Variants in PTPRM observed in about 807,000 individuals in gnomAD.
PTPRM encodes receptor-type tyrosine-protein phosphatase mu.
Under a neutral mutation model 186.7 loss-of-function variants are expected in PTPRM, and 47 were observed. That is an observed-to-expected ratio of 0.25 (90% CI 0.20 to 0.32). The LOEUF (loss-of-function observed/expected upper bound fraction) is 0.32, where lower values mean the gene tolerates loss of function less well. Among genes scored for constraint, PTPRM ranks in the 10% least tolerant of loss-of-function variants. The pLI is 1.00. For missense variants in PTPRM, 1,494 were observed against 1,865.0 expected (o/e 0.80, Z 3.66); for synonymous variants, 668 against 674.9 (o/e 0.99, Z 0.16).
intron 2 of PTPRM, among the ~76,000 whole-genome samples, chr18:7,830,876 G>A (rs2045726831): frequency 6.6e-6 from 1 of 152,130 alleles, no homozygotes; most frequent in African/African-American, 2.4e-5. Flanking sequence ...GATTAACGTA[G>A]TTTGATTTTT....
Position 7,877,218 on chromosome 18 carries a change from G to C in PTPRM, c.197-10888G>C, listed in dbSNP as rs137971124. Among the ~76,000 whole-genome samples, 46 of 152,150 alleles carry C rather than the reference G, an allele frequency of 3.0e-4. No individual in the cohort carries two copies. In the East Asian group the frequency reaches 5.8e-3, roughly 19 times the overall value. On this transcript the variant is annotated intron_variant, in intron 2 of 32. Coordinates refer to ENST00000580170, the MANE Select transcript of PTPRM (RefSeq NM_001105244.2). ...TATGTATTTATAATTTAACAGACTT[G>C]GTAGCATCTAAGCATTTAAATCACA...
At chr18:7,618,587 T>G (rs550225960) in intron 1 of PTPRM, among the ~76,000 whole-genome samples, 1 of 152,342 alleles carries the variant, frequency 6.6e-6, no homozygotes, top group East Asian at 1.9e-4. Flanking sequence ...CAAACCTGTT[T>G]GCCCACATCT....
At position 7,960,474 on chromosome 18, in the gene PTPRM, TATATATAC is replaced by T. The variant is rs767816341; in HGVS notation, c.1132+5062_1132+5069del. 5.8e-3 allele frequency among the ~76,000 whole-genome samples: 643 copies of T among 111,142 alleles called. 5 individuals carry two copies. Among genetic ancestry groups the T allele is most frequent in the African/African-American group, 0.02 (497 of 25,114 alleles). 72.9% of individuals were successfully genotyped at this position (111,142 alleles called of 152,430 possible). A position where few individuals can be genotyped will look rare whatever the true frequency, so the allele number is the denominator to read the frequency against. ...ACATATATATATATATATATATATATATATATACACACACACACACACACACACACACA... is the reference window on the plus strand; with the variant it reads ...ACATATATATATATATATATATATATACACACACACACACACACACACACA... On this transcript the variant is annotated intron_variant, in intron 7 of 32. Transcript: ENST00000580170.
intron 2 of PTPRM, among the ~76,000 whole-genome samples, chr18:7,788,563 AATG>A (rs2043194728): frequency 6.6e-6 from 1 of 152,118 alleles, no homozygotes; most frequent in Non-Finnish European, 1.5e-5. Context: ...TATATATTGT[AATG>A]ATGAAATAAT....
intron 1 of PTPRM, among the ~76,000 whole-genome samples, chr18:7,705,525 A>G (rs1312866839): frequency 2.6e-5 from 4 of 152,114 alleles, no homozygotes; most frequent in African/African-American, 9.7e-5. Context: ...ATAAGAAGAG[A>G]AGAAACCTCA....
At chr18:8,344,426 A>ATGTGTGTG (rs1175568697) in intron 23 of PTPRM, among the ~76,000 whole-genome samples, 1 of 28,306 alleles carries the variant, frequency 3.5e-5, no homozygotes, top group Non-Finnish European at 8.4e-5. Context: ...TAGGAGATAT[A>ATGTGTGTG]TATATGTGTG....
chr18:8,237,284 AT>A (rs1365491580), intron 14 of PTPRM, among the ~76,000 whole-genome samples: 2 of 152,102 alleles, frequency 1.3e-5, no homozygotes, highest in Non-Finnish European at 2.9e-5. Flanking sequence ...ATTTTAAAAA[AT>A]GTTTTATTTT....
At chr18:8,391,061 C>G (rs940896347) in intron 31 of PTPRM, among the ~76,000 whole-genome samples, 1 of 152,144 alleles carries the variant, frequency 6.6e-6, no homozygotes, top group Non-Finnish European at 1.5e-5. Context: ...TCACATGCCA[C>G]TGTGTACTCA....
intron 2 of PTPRM, among the ~76,000 whole-genome samples, chr18:7,842,947 TAGAGAGAGAGAG>T (rs1555616950): frequency 1.8e-5 from 2 of 112,132 alleles, no homozygotes; most frequent in Admixed American, 1.8e-4. Context: ...TATATATATA[TAGAGAGAGAGAG>T]AGAGAGAGAG....
chr18:7,724,090 G>A (rs1258031107), intron 1 of PTPRM, among the ~76,000 whole-genome samples: 1 of 150,020 alleles, frequency 6.7e-6, no homozygotes, highest in Non-Finnish European at 1.5e-5. Context: ...TTTTTTTAAT[G>A]TGAGGTGTAA....
chr18:7,798,338 T>G (rs1392240004), intron 2 of PTPRM, among the ~76,000 whole-genome samples: 5 of 151,938 alleles, frequency 3.3e-5, no homozygotes, highest in Admixed American at 2.0e-4. Context: ...AGACCAACCT[T>G]GCCAACATGG....
Position 8,194,180 on chromosome 18 carries a change from TA to T in PTPRM, c.2301-49874del, listed in dbSNP as rs1193777896. On this transcript the variant is annotated intron_variant, in intron 14 of 32. Coordinates refer to ENST00000580170, the MANE Select transcript of PTPRM (RefSeq NM_001105244.2). ...ATGTTTAGAATCTTTAATTTGGTTC[TA>T]AAACTTTAATGCCATCTCCTCTTCT... Among the ~76,000 whole-genome samples, 4 of 152,356 alleles carry T rather than the reference TA, an allele frequency of 2.6e-5. No individual in the cohort carries two copies. In the East Asian group the frequency reaches 7.7e-4, roughly 29 times the overall value.
At chr18:8,312,299 C>T (rs1350745163) in intron 20 of PTPRM, among the ~76,000 whole-genome samples, 1 of 152,136 alleles carries the variant, frequency 6.6e-6, no homozygotes, top group Admixed American at 6.6e-5. Flanking sequence ...CAGCTCACCT[C>T]CCCCAAACCC....
intron 21 of PTPRM, among the ~76,000 whole-genome samples, chr18:8,317,299 A>C (rs945712811): frequency 1.3e-5 from 2 of 151,842 alleles, no homozygotes; most frequent in African/African-American, 4.8e-5. Flanking sequence ...CAGGAGGGAG[A>C]GAGGGGTCAA....
rs145719064 is a variant in PTPRM at position 8,191,400 on chromosome 18, G to C, written c.2300+47621G>C. Among the ~76,000 whole-genome samples the C allele has an allele frequency of 3.5e-3, 531 of 152,298 alleles. 1 individual carries two copies. The highest frequency in any genetic ancestry group is 0.012 in the African/African-American group (489 of 41,570). ...CTGAACAGGAGTGGGGTGATTTCCA[G>C]AGACGGTGACACGCAGGAGAAGCAT... On this transcript the variant is annotated intron_variant, in intron 14 of 32. Coordinates refer to ENST00000580170, the MANE Select transcript of PTPRM (RefSeq NM_001105244.2).
intron 7 of PTPRM, among the ~76,000 whole-genome samples, chr18:7,965,140 G>C (rs2053948853): frequency 6.7e-6 from 1 of 149,482 alleles, no homozygotes; most frequent in Non-Finnish European, 1.5e-5. Context: ...CCGCCTCCCA[G>C]TTACAAGCGA....
intron 1 of PTPRM, among the ~76,000 whole-genome samples, chr18:7,700,865 C>G (rs758405194): frequency 2.0e-5 from 3 of 150,942 alleles, no homozygotes; most frequent in Non-Finnish European, 2.9e-5. Flanking sequence ...TAGTGTATAC[C>G]TGTACTCCCA....
chr18:8,133,326 G>A (rs2092559145), intron 13 of PTPRM, among the ~76,000 whole-genome samples: 1 of 152,082 alleles, frequency 6.6e-6, no homozygotes, highest in Admixed American at 6.6e-5. Context: ...GCCATCTCTT[G>A]GCATCCTCAG....
At chr18:7,966,115 G>A (rs1471048898) in intron 7 of PTPRM, among the ~76,000 whole-genome samples, 1 of 151,816 alleles carries the variant, frequency 6.6e-6, no homozygotes, top group Non-Finnish European at 1.5e-5. Flanking sequence ...ATAAATAACT[G>A]GTAATTACCT....
Sources: allele counts gnomAD v4.1 joint callset (sites outside exome capture counted in the v4.1 genomes callset), GRCh38; gene constraint gnomAD v4.1.1; transcripts MANE v1.5; gene names NCBI Gene and HGNC (gene_info 2026-07-23, HGNC 2026-07-21).